The following SCN8A variants were observed in gnomAD, a reference collection of about 807,000 sequenced individuals.
The protein encoded by SCN8A is sodium voltage-gated channel alpha subunit 8.
A neutral mutation model predicts 184.1 loss-of-function variants in SCN8A; 30 were observed. The ratio of observed to expected loss-of-function variants is 0.16; its 90% CI spans 0.12 to 0.22. The LOEUF is 0.22. SCN8A is among the 10% of genes least tolerant of loss of function. SCN8A has a pLI of 1.00. For synonymous variants in SCN8A, 852 were observed against 907.0 expected (o/e 0.94, Z 1.09); for missense variants, 1,057 against 2,498.9 (o/e 0.42, Z 12.30).
chr12:51,719,704 A>G (rs1206773706), intron 11 of SCN8A, among the ~76,000 whole-genome samples: 1 of 145,700 alleles, frequency 6.9e-6, no homozygotes, highest in Non-Finnish European at 1.5e-5. Context: ...AAAAGTGTAC[A>G]TTCAAATAAA....
intron 1 of SCN8A, among the ~76,000 whole-genome samples, chr12:51,654,101 A>G (rs1471568177): frequency 1.3e-5 from 2 of 152,134 alleles, no homozygotes; most frequent in Non-Finnish European, 2.9e-5. Flanking sequence ...TAATTCTATC[A>G]CAGATACAAT....
chr12:51,610,671 CA>C (rs1016220231), intron 1 of SCN8A, among the ~76,000 whole-genome samples: 1 of 152,190 alleles, frequency 6.6e-6, no homozygotes, highest in African/African-American at 2.4e-5. Context: ...TCACTAGATA[CA>C]AAATTCCTGG....
intron 12 of SCN8A, among the ~76,000 whole-genome samples, chr12:51,726,666 T>G (rs1251180646): frequency 6.6e-6 from 1 of 152,152 alleles, no homozygotes; most frequent in Non-Finnish European, 1.5e-5. Flanking sequence ...AACATATATA[T>G]GTTATTCATA....
intron 12 of SCN8A, among the ~76,000 whole-genome samples, chr12:51,743,647 C>T (rs1297996166): frequency 2.0e-5 from 3 of 152,206 alleles, no homozygotes; most frequent in Admixed American, 1.3e-4. Context: ...CACAGGGTCT[C>T]GCCCAAGGCC....
intron 1 of SCN8A, among the ~76,000 whole-genome samples, chr12:51,656,810 G>A (rs1940829529): frequency 6.6e-6 from 1 of 151,864 alleles, no homozygotes; most frequent in African/African-American, 2.4e-5. Context: ...ACACCCATTA[G>A]GATGGCAGCA....
At chr12:51,728,487 G>C (rs146725931) in intron 12 of SCN8A, among the ~76,000 whole-genome samples, 1 of 151,958 alleles carries the variant, frequency 6.6e-6, no homozygotes, top group African/African-American at 2.4e-5. Flanking sequence ...TAATCCCAAC[G>C]CTTTGGGAGG....
chr12:51,749,212 A>G (rs1188039165), intron 13 of SCN8A, among the ~76,000 whole-genome samples: 2 of 152,214 alleles, frequency 1.3e-5, no homozygotes, highest in African/African-American at 4.8e-5. Flanking sequence ...TGTAGGCGTG[A>G]AAGTTTATCC....
chr12:51,811,967 A>G lies in SCN8A; in HGVS notation c.*4538A>G, dbSNP rs1339238348. On this transcript the variant is annotated 3_prime_UTR_variant, in exon 27 of 27. Transcript: ENST00000627620. Reference sequence around the variant, plus strand: ...CATTTTCAGGTACTCCCCACCCCCTAAAGAATTGGCTGCAACTTGCCAGCC... The same window carrying G: ...CATTTTCAGGTACTCCCCACCCCCTGAAGAATTGGCTGCAACTTGCCAGCC... 2 of 152,108 alleles carry G rather than the reference A, an allele frequency of 1.3e-5. No individual in the cohort carries two copies. Among genetic ancestry groups the G allele is most frequent in the Non-Finnish European group, 2.9e-5 (2 of 68,036 alleles). The allele number at this position is 152,108 out of a possible 1,614,324, so 9.4% of individuals were successfully genotyped here.
At chr12:51,739,805 G>A (rs956089459) in intron 12 of SCN8A, among the ~76,000 whole-genome samples, 1 of 152,202 alleles carries the variant, frequency 6.6e-6, no homozygotes, top group African/African-American at 2.4e-5. Context: ...TGGCGCTAGA[G>A]GAATTAAAGA....
chr12:51,673,789 T>A (rs1941174530), intron 2 of SCN8A, among the ~76,000 whole-genome samples: 1 of 152,182 alleles, frequency 6.6e-6, no homozygotes, highest in Non-Finnish European at 1.5e-5. Context: ...TACTGGTATG[T>A]AAACCTCAAT....
At position 51,810,422 on chromosome 12, in the gene SCN8A, T is replaced by C. The variant is rs781166326; in HGVS notation, c.*2993T>C. On this transcript the variant is annotated 3_prime_UTR_variant, in exon 27 of 27. Coordinates refer to ENST00000627620, the MANE Select transcript of SCN8A (RefSeq NM_001330260.2). The stretch of plus-strand genomic sequence containing the variant: ...GGCATCGAACTGAAAGAATCAGTGA[T>C]GACGTTTTTGTGCATCTTCGCTGAG... 2 of 453,702 alleles carry C rather than the reference T, an allele frequency of 4.4e-6. No individual in the cohort carries two copies. Among genetic ancestry groups the C allele is most frequent in the South Asian group, 3.1e-5 (2 of 63,968 alleles). The allele number at this position is 453,702 out of a possible 1,614,324, so 28.1% of individuals were successfully genotyped here.
intron 1 of SCN8A, among the ~76,000 whole-genome samples, chr12:51,598,095 C>G (rs1939387668): frequency 6.6e-6 from 1 of 152,012 alleles, no homozygotes; most frequent in East Asian, 1.9e-4. Flanking sequence ...GGCATAATGC[C>G]TTGTTTGTAG....
Position 51,807,639 on chromosome 12 carries a change from T to A in SCN8A, c.*210T>A. On this transcript the variant is annotated 3_prime_UTR_variant, in exon 27 of 27. Transcript: ENST00000627620. This position sits in a 1 kb window ranked among gnomAD's most constrained non-coding sequence, Gnocchi z 4.5. ...GACCCCGCTCCCTAGACTTACAGATTTTCTAATGCTTGGGCAGGTGGTTAC... is the reference window on the plus strand; with the variant it reads ...GACCCCGCTCCCTAGACTTACAGATATTCTAATGCTTGGGCAGGTGGTTAC... The A allele has an allele frequency of 3.3e-6, 2 of 601,886 alleles. No homozygotes were observed. The highest frequency in any genetic ancestry group is 4.1e-5 in the South Asian group (2 of 48,688). 37.3% of individuals were successfully genotyped at this position (601,886 alleles called of 1,614,324 possible). A position where few individuals can be genotyped will look rare whatever the true frequency, so the allele number is the denominator to read the frequency against.
At chr12:51,641,864 C>A (rs10735836) in intron 1 of SCN8A, among the ~76,000 whole-genome samples, 130,915 of 152,230 alleles carry the variant, frequency 0.86, 56,537 homozygotes, top group East Asian at 0.99. Flanking sequence ...TAAAAACAAA[C>A]CACAACAGTC....
intron 1 of SCN8A, among the ~76,000 whole-genome samples, chr12:51,649,556 C>T (rs1940664232): frequency 1.3e-5 from 2 of 152,220 alleles, no homozygotes; most frequent in Admixed American, 1.3e-4. Flanking sequence ...CCCTCGCAGG[C>T]TCAACACCAC....
intron 1 of SCN8A, among the ~76,000 whole-genome samples, chr12:51,646,081 C>T (rs188678470): frequency 1.3e-5 from 2 of 150,644 alleles, no homozygotes; most frequent in South Asian, 2.1e-4. Context: ...ATGGTGGCCC[C>T]CAGGAACACA....
rs555793953 is a variant in SCN8A, at chr12:51,807,428, AGAG to A, written c.*3_*5del. ...AAAGAGGTCAGAGAATCCAAGTGTT[AGAG>A]GAGAACAAAAATTCAGTATTATACA... On this transcript the variant is annotated stop_retained_variant and 3_prime_UTR_variant, in exon 27 of 27. Transcript: ENST00000627620. This position sits in a 1 kb window ranked among gnomAD's most constrained non-coding sequence, Gnocchi z 4.5. 595 of 1,604,900 alleles carry A rather than the reference AGAG, an allele frequency of 3.7e-4. 3 individuals are homozygous for A. In the African/African-American group the frequency reaches 6.9e-3, roughly 19 times the overall value.
At position 51,807,851 on chromosome 12, in the gene SCN8A, T is replaced by C. The variant is rs1444728462; in HGVS notation, c.*422T>C. On this transcript the variant is annotated 3_prime_UTR_variant, in exon 27 of 27. Coordinates refer to ENST00000627620, the MANE Select transcript of SCN8A (RefSeq NM_001330260.2). The surrounding 1 kb of genome is among the most constrained non-coding windows in gnomAD (Gnocchi z 4.5). ...TTTGTTCATGCAAACTATATTTGCA[T>C]TCTTACATTAGTTAAGCTAAGCAGC... 2 of 212,946 alleles carry C rather than the reference T, an allele frequency of 9.4e-6. No individual in the cohort carries two copies. The highest frequency in any genetic ancestry group is 9.5e-6 in the Non-Finnish European group (1 of 105,350). 13.2% of individuals were successfully genotyped at this position (212,946 alleles called of 1,614,324 possible).
chr12:51,745,055 C>G (rs1189593873), intron 12 of SCN8A, among the ~76,000 whole-genome samples: 2 of 152,138 alleles, frequency 1.3e-5, no homozygotes, highest in Admixed American at 1.3e-4. Context: ...TAAGCCACCC[C>G]ATTAAGCCTG....
Sources: gnomAD v4.1 joint callset for allele counts (sites outside exome capture counted in the v4.1 genomes callset) on GRCh38, gnomAD v4.1.1 for gene constraint, Gnocchi (gnomAD v3.1) non-coding constraint, MANE v1.5 for transcripts, NCBI Gene and HGNC (gene_info 2026-07-23, HGNC 2026-07-21) for gene names.